The following TLCD4 variants were observed in gnomAD, a reference collection of about 807,000 sequenced individuals.
TLCD4 encodes TLC domain-containing protein 4.
In TLCD4, 7 loss-of-function variants were observed where a neutral mutation model predicts 24.2. The observed-to-expected ratio is 0.29, with a 90% confidence interval of 0.16 to 0.54. The LOEUF (loss-of-function observed/expected upper bound fraction) is 0.54, where lower values mean the gene tolerates loss of function less well. Among genes scored for constraint, TLCD4 ranks in the 20% least tolerant of loss-of-function variants. The pLI, the probability that TLCD4 is intolerant of heterozygous loss-of-function variation, is 0.95. For synonymous variants in TLCD4, 103 were observed against 106.4 expected (o/e 0.97, Z 0.20); for missense variants, 259 against 313.9 (o/e 0.82, Z 1.32).
Position 95,122,185 on chromosome 1 carries a change from C to T in TLCD4, c.-12+4568C>T, listed in dbSNP as rs922757298. 3.9e-5 allele frequency among the ~76,000 whole-genome samples: 6 copies of T among 152,064 alleles called. No homozygotes were observed. In the East Asian group the frequency reaches 5.8e-4, roughly 15 times the overall value. On this transcript the variant is annotated intron_variant, in intron 1 of 6. Transcript: ENST00000370203. ...CTGGCCCACCCACATGGTGAAATGCCGTCTCTATTGAAAAAAATACAAAAA... is the reference window on the plus strand; with the variant it reads ...CTGGCCCACCCACATGGTGAAATGCTGTCTCTATTGAAAAAAATACAAAAA...
intron 5 of TLCD4, chr1:95,164,922 C>A (rs1281839283): frequency 2.0e-5 from 3 of 151,838 alleles, no homozygotes. Flanking sequence ...TTCCTTTTTT[C>A]CCCCCATCAT....
the TLCD4 span, among the ~76,000 whole-genome samples, chr1:95,107,896 G>A: frequency 6.6e-6 from 1 of 152,138 alleles, no homozygotes; most frequent in Non-Finnish European, 1.5e-5. Flanking sequence ...AAAAATGATG[G>A]TGGGGAGACC....
upstream of TLCD4, among the ~76,000 whole-genome samples, chr1:95,112,685 C>T (rs148259061): frequency 4.5e-4 from 69 of 152,278 alleles, no homozygotes; most frequent in African/African-American, 1.5e-3. Flanking sequence ...AAGACATTTT[C>T]AGACAGGCAA....
intron 5 of TLCD4, among the ~76,000 whole-genome samples, chr1:95,155,611 C>T (rs992232406): frequency 2.0e-5 from 3 of 151,962 alleles, no homozygotes; most frequent in African/African-American, 4.8e-5. Context: ...TGCTGATGGA[C>T]GTATGTGTCA....
At chr1:95,183,289 A>G (rs1037291254) in intron 6 of TLCD4, among the ~76,000 whole-genome samples, 4 of 152,210 alleles carry the variant, frequency 2.6e-5, no homozygotes, top group African/African-American at 9.6e-5. Context: ...ATAAAAAATT[A>G]GAGAATACGG....
At chr1:95,151,029 A>C (rs1335085018) in intron 4 of TLCD4, among the ~76,000 whole-genome samples, 1 of 152,206 alleles carries the variant, frequency 6.6e-6, no homozygotes, top group Non-Finnish European at 1.5e-5. Flanking sequence ...AATGGCAAAA[A>C]TCACAGTTAC....
At chr1:95,099,072 A>AAAAAAAAAAAAAAAAAC in the TLCD4 span, among the ~76,000 whole-genome samples, 2 of 151,104 alleles carry the variant, frequency 1.3e-5, no homozygotes, top group Non-Finnish European at 3.0e-5. Context: ...AAAAAAAAAA[A>AAAAAAAAAAAAAAAAAC]AAAGAACAGG....
chr1:95,141,257 G>A (rs757490354), intron 1 of TLCD4, among the ~76,000 whole-genome samples: 2 of 152,056 alleles, frequency 1.3e-5, no homozygotes, highest in Non-Finnish European at 2.9e-5. Context: ...TTTTAATGGT[G>A]AATTGTTTGA....
Position 95,192,545 on chromosome 1 carries a change from G to A in TLCD4, c.*677G>A, listed in dbSNP as rs1416200979. ...GTCACCAATTTTGCTGCAAGAATGGGAACTGCTTTTAAATCTGTAAATAGC... is the reference window on the plus strand; with the variant it reads ...GTCACCAATTTTGCTGCAAGAATGGAAACTGCTTTTAAATCTGTAAATAGC... On this transcript the variant is annotated 3_prime_UTR_variant, in exon 7 of 7. Transcript: ENST00000370203. The A allele has an allele frequency of 1.3e-5, 2 of 152,134 alleles. No homozygotes were observed. Among genetic ancestry groups the A allele is most frequent in the African/African-American group, 4.8e-5 (2 of 41,436 alleles). 9.4% of individuals were successfully genotyped at this position (152,134 alleles called of 1,614,324 possible).
chr1:95,151,817 T>C (rs1677502222), intron 5 of TLCD4, among the ~76,000 whole-genome samples: 2 of 152,162 alleles, frequency 1.3e-5, no homozygotes, highest in Admixed American at 1.3e-4. Context: ...TATACATAAT[T>C]ACATTTAAGT....
At chr1:95,153,937 TA>T (rs1647039554) in intron 5 of TLCD4, among the ~76,000 whole-genome samples, 1 of 151,954 alleles carries the variant, frequency 6.6e-6, no homozygotes, top group African/African-American at 2.4e-5. Context: ...TAAAGAGAGG[TA>T]GGGGAGACTT....
intron 5 of TLCD4, among the ~76,000 whole-genome samples, chr1:95,171,023 A>T (rs974623996): frequency 2.0e-5 from 3 of 151,248 alleles, no homozygotes; most frequent in Non-Finnish European, 2.9e-5. Context: ...AATAAATTAG[A>T]GGGCTCAGAC....
the TLCD4 span, among the ~76,000 whole-genome samples, chr1:95,096,605 C>T: frequency 1.3e-5 from 2 of 152,194 alleles, no homozygotes; most frequent in African/African-American, 2.4e-5. Context: ...ATAATATTGA[C>T]TCAAGCCCCT....
chr1:95,181,819 C>T (rs868475891), intron 6 of TLCD4, among the ~76,000 whole-genome samples: 2 of 152,058 alleles, frequency 1.3e-5, no homozygotes, highest in Non-Finnish European at 2.9e-5. Context: ...CTGGGTTTCA[C>T]TATGTTGGCC....
At chr1:95,098,595 A>G in the TLCD4 span, among the ~76,000 whole-genome samples, 7 of 152,130 alleles carry the variant, frequency 4.6e-5, no homozygotes, top group African/African-American at 1.4e-4. Flanking sequence ...AGTTCTGATA[A>G]ATCTCTTTTT....
chr1:95,184,081 G>A (rs1486391358), intron 6 of TLCD4, among the ~76,000 whole-genome samples: 1 of 152,154 alleles, frequency 6.6e-6, no homozygotes, highest in Admixed American at 6.6e-5. Context: ...GATGTAAGTA[G>A]AGTCAGCTTA....
chr1:95,173,204 G>T (rs1467686215), intron 5 of TLCD4, among the ~76,000 whole-genome samples: 1 of 152,114 alleles, frequency 6.6e-6, no homozygotes. Flanking sequence ...GCTTTTTTGA[G>T]ATTTTTAAGG....
chr1:95,113,713 A>G (rs1342132493), upstream of TLCD4, among the ~76,000 whole-genome samples: 1 of 152,220 alleles, frequency 6.6e-6, no homozygotes, highest in African/African-American at 2.4e-5. Context: ...TGTAGAAAAT[A>G]TATCACATAT....
At chr1:95,178,248 C>T (rs2101001983) in intron 6 of TLCD4, among the ~76,000 whole-genome samples, 1 of 149,246 alleles carries the variant, frequency 6.7e-6, no homozygotes, top group South Asian at 2.1e-4. Flanking sequence ...CACCCGGCCT[C>T]TTTTTAATTT....
Sources: gnomAD v4.1 joint callset for allele counts (sites outside exome capture counted in the v4.1 genomes callset) on GRCh38, gnomAD v4.1.1 for gene constraint, MANE v1.5 for transcripts, NCBI Gene and HGNC (gene_info 2026-07-23, HGNC 2026-07-21) for gene names.